Variants in PRKAG2 observed in about 807,000 individuals in gnomAD.
The protein encoded by PRKAG2 is protein kinase AMP-activated non-catalytic subunit gamma 2.
Under a neutral mutation model 69.6 loss-of-function variants are expected in PRKAG2, and 26 were observed. That is an observed-to-expected ratio of 0.37 (90% confidence interval 0.27 to 0.52). PRKAG2 has a LOEUF of 0.52. PRKAG2 is among the 20% of genes least tolerant of loss of function. The probability of loss-of-function intolerance (pLI) is 0.90; values close to 1 mark genes in which losing one functional copy is unlikely to be tolerated. For synonymous variants in PRKAG2, 293 were observed against 285.0 expected, an observed-to-expected ratio of 1.03 and a Z score of -0.28; for missense variants, 557 against 740.0, an observed-to-expected ratio of 0.75 and a Z score of 2.87.
intron 3 of PRKAG2, among the ~76,000 whole-genome samples, chr7:151,734,848 CTT>C (rs35008070): frequency 0.11 from 9,847 of 88,574 alleles, 118 homozygotes; most frequent in South Asian, 0.24. Context: ...AAATCTGATT[CTT>C]TTTTTTTTTT....
chr7:151,773,115 G>T (rs2076159094), intron 3 of PRKAG2, among the ~76,000 whole-genome samples: 1 of 133,528 alleles, frequency 7.5e-6, no homozygotes, highest in African/African-American at 2.8e-5. Flanking sequence ...GAAGGGAAGG[G>T]AAGGAAGGAA....
At chr7:151,643,477 G>A (rs571015203) in intron 4 of PRKAG2, among the ~76,000 whole-genome samples, 1 of 152,306 alleles carries the variant, frequency 6.6e-6, no homozygotes, top group African/African-American at 2.4e-5. Flanking sequence ...CATATTGGGT[G>A]GAAGCTCTAT....
chr7:151,711,318 A>G (rs1288619922), intron 3 of PRKAG2, among the ~76,000 whole-genome samples: 3 of 149,496 alleles, frequency 2.0e-5, no homozygotes, highest in Admixed American at 2.0e-4. Flanking sequence ...CTAGGTTTAG[A>G]GTACTGAGGG....
In PRKAG2 at chr7:151,678,027, C is replaced by T. The variant is rs140697076; in HGVS notation, c.467-2390G>A. 1.1e-3 allele frequency among the ~76,000 whole-genome samples: 171 copies of T among 152,306 alleles called. 2 individuals are homozygous for T. Among genetic ancestry groups the T allele is most frequent in the Admixed American group, 2.9e-3 (44 of 15,298 alleles). ...CAAGGCTGCGTCACCTACAGAGCCA[C>T]AGGCCTGGTTCACTCTCCCCAGGCA... is the stretch of plus-strand genomic sequence containing the variant. On this transcript the variant is annotated intron_variant, in intron 3 of 15. Coordinates refer to ENST00000287878, the MANE Select transcript of PRKAG2 (RefSeq NM_016203.4).
At chr7:151,750,879 C>CA (rs147013522) in intron 3 of PRKAG2, among the ~76,000 whole-genome samples, 1,298 of 125,570 alleles carry the variant, frequency 0.01, 13 homozygotes, top group East Asian at 0.037. Context: ...ACCCTGTCTC[C>CA]AAAAAAAAAA....
intron 4 of PRKAG2, among the ~76,000 whole-genome samples, chr7:151,672,201 A>C (rs1488616246): frequency 6.6e-6 from 1 of 151,860 alleles, no homozygotes; most frequent in Non-Finnish European, 1.5e-5. Flanking sequence ...TCCTGCGTTC[A>C]AGCGATTCCC....
intron 1 of PRKAG2, among the ~76,000 whole-genome samples, chr7:151,819,153 G>A (rs1445733995): frequency 6.6e-6 from 1 of 152,142 alleles, no homozygotes; most frequent in Admixed American, 6.5e-5. Flanking sequence ...CAGCCCCGGT[G>A]ACCTGGACGC....
chr7:151,746,727 A>G (rs1221723979), intron 3 of PRKAG2, among the ~76,000 whole-genome samples: 1 of 152,192 alleles, frequency 6.6e-6, no homozygotes, highest in Non-Finnish European at 1.5e-5. Flanking sequence ...GCTGCTGGGC[A>G]CCATGCTGAG....
chr7:151,731,535 TGC>T (rs1554572174), intron 3 of PRKAG2, among the ~76,000 whole-genome samples: 2 of 151,582 alleles, frequency 1.3e-5, no homozygotes, highest in Admixed American at 1.3e-4. Context: ...TGTGTGTGTG[TGC>T]GCACAGGTAC....
intron 3 of PRKAG2, among the ~76,000 whole-genome samples, chr7:151,695,897 T>G (rs1321211807): frequency 6.6e-6 from 1 of 152,214 alleles, no homozygotes; most frequent in Non-Finnish European, 1.5e-5. Flanking sequence ...CCGTAGGCAC[T>G]GTGTCCTCCA....
chr7:151,668,459 T>G (rs1449327176), intron 4 of PRKAG2, among the ~76,000 whole-genome samples: 1 of 151,806 alleles, frequency 6.6e-6, no homozygotes, highest in Non-Finnish European at 1.5e-5. Flanking sequence ...GAATTCAGAC[T>G]ATAGAATATG....
intron 3 of PRKAG2, among the ~76,000 whole-genome samples, chr7:151,728,226 C>T (rs748443266): frequency 1.3e-5 from 2 of 152,124 alleles, no homozygotes; most frequent in Non-Finnish European, 2.9e-5. Context: ...CCTCAGGGAA[C>T]GTTCATGTTG....
intron 14 of PRKAG2, among the ~76,000 whole-genome samples, chr7:151,562,781 C>A (rs999911805): frequency 4.0e-5 from 6 of 151,896 alleles, no homozygotes; most frequent in African/African-American, 1.5e-4. Context: ...TCCTGGCTGA[C>A]AAGGTGAAAC....
rs769504317 is a variant in PRKAG2, at chr7:151,807,177, G to A, written c.115-20636C>T. The A allele has an allele frequency of 3.3e-5, 12 of 367,976 alleles. No individual in the cohort carries two copies. Among genetic ancestry groups the A allele is most frequent in the Non-Finnish European group, 5.9e-5 (11 of 185,672 alleles). The allele number at this position is 367,976 out of a possible 1,614,324, so 22.8% of individuals were successfully genotyped here. On this transcript the variant is annotated intron_variant, in intron 1 of 15. Coordinates refer to ENST00000287878, the MANE Select transcript of PRKAG2 (RefSeq NM_016203.4). This position sits in a 1 kb window ranked among gnomAD's most constrained non-coding sequence, Gnocchi z 4.4. ...TGGTCACATGACTGTGCACACTTAC[G>A]ACAACCCATCTAATTGTATACTGTC... is the stretch of plus-strand genomic sequence containing the variant.
chr7:151,603,865 TTAAAA>T (rs1816834404), intron 5 of PRKAG2, among the ~76,000 whole-genome samples: 1 of 152,180 alleles, frequency 6.6e-6, no homozygotes, highest in African/African-American at 2.4e-5. Flanking sequence ...ACCTCCTTGT[TTAAAA>T]TAATTATGTA....
At chr7:151,569,385 C>T (rs550960401) in intron 10 of PRKAG2, among the ~76,000 whole-genome samples, 12 of 152,304 alleles carry the variant, frequency 7.9e-5, no homozygotes, top group South Asian at 2.1e-4. Context: ...ATTTGAAAGA[C>T]GATGAAACCT....
intron 3 of PRKAG2, among the ~76,000 whole-genome samples, chr7:151,720,468 A>G (rs1234375880): frequency 6.6e-6 from 1 of 151,712 alleles, no homozygotes; most frequent in African/African-American, 2.4e-5. Context: ...CTGTGTTCTT[A>G]CTGCTATTTG....
chr7:151,601,056 C>T (rs548376756), intron 5 of PRKAG2, among the ~76,000 whole-genome samples: 155 of 152,246 alleles, frequency 1.0e-3, no homozygotes, highest in Non-Finnish European at 1.9e-3. Context: ...AACTCACTTC[C>T]CTCACTCAAC....
In PRKAG2 at chr7:151,874,044, ATATG is replaced by A. The variant is rs1367652702; in HGVS notation, c.114+2459_114+2462del. Among the ~76,000 whole-genome samples the A allele has an allele frequency of 3.6e-5, 5 of 139,960 alleles. 1 individual carries two copies. The East Asian group carries it at 6.4e-4, about 18-fold the overall frequency. The allele number at this position is 139,960 out of a possible 152,430, so 91.8% of individuals were successfully genotyped here. A position where few individuals can be genotyped will look rare whatever the true frequency, so the allele number is the denominator to read the frequency against. On this transcript the variant is annotated intron_variant, in intron 1 of 15. Transcript: ENST00000287878. ...TATATGATGTATATGTATATGATGT[ATATG>A]TATGTATATGTATATGTATATGATG...
Sources: allele counts gnomAD v4.1 joint callset (sites outside exome capture counted in the v4.1 genomes callset), GRCh38; gene constraint gnomAD v4.1.1; non-coding constraint Gnocchi (gnomAD v3.1); transcripts MANE v1.5; gene names NCBI Gene and HGNC (gene_info 2026-07-23, HGNC 2026-07-21).